The following SPNS3 variants were observed in gnomAD, a reference collection of about 807,000 sequenced individuals.
SPNS3 encodes the protein SPNS lysolipid transporter 3, sphingosine-1-phosphate (putative), also known as protein spinster homolog 3.
In SPNS3, 51 loss-of-function variants were observed where a neutral mutation model predicts 54.4. The observed-to-expected ratio is 0.94, with a 90% CI of 0.75 to 1.18. The LOEUF (loss-of-function observed/expected upper bound fraction) is 1.18, where lower values mean the gene tolerates loss of function less well. SPNS3 is among the 50% of genes most tolerant of loss of function. The probability of loss-of-function intolerance (pLI) is 0.00; values close to 1 mark genes in which losing one functional copy is unlikely to be tolerated. For synonymous variants in SPNS3, 309 were observed against 294.7 expected (o/e 1.05, Z -0.50); for missense variants, 669 against 677.4 (o/e 0.99, Z 0.14).
intron 8 of SPNS3, among the ~76,000 whole-genome samples, chr17:4,476,262 T>A (rs1023542780): frequency 2.6e-5 from 4 of 152,202 alleles, no homozygotes; most frequent in Non-Finnish European, 5.9e-5. Context: ...CCTCCAGGTG[T>A]GTCTGAGGAG....
In SPNS3 at chr17:4,446,945, T is replaced by A; in HGVS notation, c.604T>A (p.Trp202Arg). Residue 202 changes from tryptophan to arginine, a missense_variant, in exon 5 of 12, where the codon TGG becomes AGG. Trp to Arg is a moderately radical substitution (Grantham distance 101). Transcript: ENST00000355530. ...GSAVTMLTGN[W>R]RWALRVMPCL... is the part of the protein sequence containing the mutation. ...GGCTGTGACGATGCTGACTGGGAAC[T>A]GGCGCTGGGCCCTCCGAGTGAGTCC... 1.2e-6 allele frequency: 2 copies of A among 1,614,144 alleles called. No homozygotes were observed. The highest frequency in any genetic ancestry group is 1.7e-6 in the Non-Finnish European group (2 of 1,180,010).
At chr17:4,457,524 T>TGAGG (rs1567563027) in intron 8 of SPNS3, among the ~76,000 whole-genome samples, 1 of 152,202 alleles carries the variant, frequency 6.6e-6, no homozygotes, top group Non-Finnish European at 1.5e-5. Flanking sequence ...GCTTATTGAC[T>TGAGG]GAGGGAGGGG....
At chr17:4,466,623 C>G (rs1043127165) in intron 8 of SPNS3, among the ~76,000 whole-genome samples, 2 of 147,946 alleles carry the variant, frequency 1.4e-5, no homozygotes, top group Non-Finnish European at 3.0e-5. Context: ...AGGCAGATCA[C>G]TTGAGGTCAG....
At chr17:4,462,867 A>AC (rs1971574207) in intron 8 of SPNS3, among the ~76,000 whole-genome samples, 1 of 12,078 alleles carries the variant, frequency 8.3e-5, no homozygotes, top group African/African-American at 3.1e-4. Context: ...CCACCCACCC[A>AC]CCAATCCATC....
chr17:4,438,009 G>T (rs540166709), intron 1 of SPNS3, among the ~76,000 whole-genome samples: 1 of 152,292 alleles, frequency 6.6e-6, no homozygotes, highest in East Asian at 1.9e-4. Flanking sequence ...CGATGGTCTT[G>T]ATCTCCTGAC....
intron 8 of SPNS3, among the ~76,000 whole-genome samples, chr17:4,460,589 G>A (rs1340885312): frequency 2.0e-5 from 3 of 150,518 alleles, no homozygotes; most frequent in Admixed American, 6.6e-5. Flanking sequence ...CTGCTACCAC[G>A]CCTGGCTAAT....
intron 2 of SPNS3, 144 bp downstream of exon 2, chr17:4,439,867 G>A: frequency 2.8e-6 from 2 of 707,206 alleles, no homozygotes; most frequent in Non-Finnish European, 2.4e-6. Flanking sequence ...CTGAGGGACA[G>A]TCTAGGCAGG....
intron 2 of SPNS3, 88 bp from the exon 3 acceptor site, chr17:4,444,944 G>A: frequency 6.8e-7 from 1 of 1,477,082 alleles, no homozygotes; most frequent in Non-Finnish European, 9.2e-7. Flanking sequence ...TGTGGCATCT[G>A]AGTCAGGCTC....
chr17:4,476,928 C>T (rs888532463), intron 8 of SPNS3, among the ~76,000 whole-genome samples: 5 of 152,196 alleles, frequency 3.3e-5, no homozygotes, highest in African/African-American at 9.6e-5. Context: ...TCCTTGCCTC[C>T]GCTCCCGTGG....
At chr17:4,475,489 G>C (rs1221391945) in intron 8 of SPNS3, among the ~76,000 whole-genome samples, 1 of 152,208 alleles carries the variant, frequency 6.6e-6, no homozygotes, top group Non-Finnish European at 1.5e-5. Flanking sequence ...GGGAGTGAGG[G>C]TGAGGAAGGC....
Position 4,449,252 on chromosome 17 carries a change from C to T in SPNS3, c.788C>T (p.Ser263Leu), listed in dbSNP as rs199773889. Residue 263 changes from serine to leucine, a missense_variant, in exon 7 of 12, where the codon TCG (serine) becomes TTG (leucine). Coordinates refer to ENST00000355530, the MANE Select transcript of SPNS3 (RefSeq NM_182538.5). ...TCTTGCAGCTGGAGTTTCGTGTGGT[C>T]GACCCTCGGAGTGACCGCCATGGCC... Reference protein sequence around the residue: ...YLGKNWSFVWSTLGVTAMAFV... With the variant: ...YLGKNWSFVWLTLGVTAMAFV... 1.9e-4 allele frequency: 308 copies of T among 1,610,762 alleles called. No homozygotes were observed. The highest frequency in any genetic ancestry group is 2.4e-4 in the Non-Finnish European group (286 of 1,179,616).
Position 4,436,773 on chromosome 17 carries a change from C to T in SPNS3, c.199+2607C>T, listed in dbSNP as rs1340855376. Among the ~76,000 whole-genome samples, 7 of 152,292 alleles carry T rather than the reference C, an allele frequency of 4.6e-5. No individual in the cohort carries two copies. The East Asian group carries it at 1.4e-3, about 29-fold the overall frequency. On this transcript the variant is annotated intron_variant, in intron 1 of 11. Coordinates refer to ENST00000355530, the MANE Select transcript of SPNS3 (RefSeq NM_182538.5). ...ATTGGATTTGAGGCCCTGATGGAGG[C>T]AAAATGAGCCAGGGAGTCAGTTCAG...
In SPNS3 at chr17:4,488,060, G is replaced by A. The variant is rs929964712; in HGVS notation, c.*166G>A. On this transcript the variant is annotated 3_prime_UTR_variant, in exon 12 of 12. Transcript: ENST00000355530. ...AGGACCCTGTGGCTGGGCTGGGAAT[G>A]GAGCTGTCAGCACTCTGCGTGGGAG... The A allele has an allele frequency of 1.2e-4, 77 of 650,912 alleles. No homozygotes were observed. The highest frequency in any genetic ancestry group is 3.5e-4 in the Admixed American group (13 of 37,676). 40.3% of individuals were successfully genotyped at this position (650,912 alleles called of 1,614,324 possible). A position where few individuals can be genotyped will look rare whatever the true frequency, so the allele number is the denominator to read the frequency against.
At chr17:4,449,488 G>C (rs1021888370) in intron 7 of SPNS3, 101 bp downstream of exon 7, 106 of 1,355,542 alleles carry the variant, frequency 7.8e-5, no homozygotes, top group Non-Finnish European at 9.8e-5. Context: ...CTTGGGGTGG[G>C]GCATTTGGTG....
intron 2 of SPNS3, 60 bp from the exon 3 acceptor site, chr17:4,444,972 G>T (rs1970943442): frequency 1.3e-6 from 2 of 1,555,534 alleles, no homozygotes; most frequent in African/African-American, 2.7e-5. Flanking sequence ...GGGCCTGCTG[G>T]GCCATCTGCC....
intron 2 of SPNS3, 41 bp downstream of exon 2, chr17:4,439,764 C>T: frequency 6.4e-7 from 1 of 1,570,156 alleles, no homozygotes; most frequent in Non-Finnish European, 8.7e-7. Flanking sequence ...GCCCTGGGTT[C>T]ATGCTGGGGT....
At chr17:4,453,308 A>T (rs1971220003) in intron 8 of SPNS3, 103 bp downstream of exon 8, 1 of 1,116,460 alleles carries the variant, frequency 9.0e-7, no homozygotes, top group East Asian at 2.4e-5. Flanking sequence ...AATTATGTTG[A>T]TCACTCCTTC....
At chr17:4,458,595 T>TTCTC (rs1491023609) in intron 8 of SPNS3, among the ~76,000 whole-genome samples, 1 of 75,506 alleles carries the variant, frequency 1.3e-5, no homozygotes, top group Non-Finnish European at 2.6e-5. Flanking sequence ...CCTCCTTTCT[T>TTCTC]TCTTTCTTTC....
intron 1 of SPNS3, among the ~76,000 whole-genome samples, chr17:4,437,159 T>A (rs1008431522): frequency 6.6e-6 from 1 of 151,942 alleles, no homozygotes; most frequent in Admixed American, 6.6e-5. Flanking sequence ...AGGAAACAGC[T>A]CTTATGGGGC....
Sources: gnomAD v4.1 joint callset for allele counts (sites outside exome capture counted in the v4.1 genomes callset) on GRCh38, gnomAD v4.1.1 for gene constraint, MANE v1.5 for transcripts, NCBI Gene and HGNC (gene_info 2026-07-23, HGNC 2026-07-21) for gene names.